AP4S1: variants seen among roughly 807,000 people sequenced by gnomAD.
AP4S1 encodes the protein adaptor related protein complex 4 subunit sigma 1.
Under a neutral mutation model 19.8 loss-of-function variants are expected in AP4S1, and 23 were observed. That is an observed-to-expected ratio of 1.16 (90% CI 0.84 to 1.65). The LOEUF (loss-of-function observed/expected upper bound fraction) is 1.65. AP4S1 is among the 40% of genes most tolerant of loss of function. AP4S1 has a pLI of 0.00. For missense variants in AP4S1, 166 were observed against 172.8 expected, an observed-to-expected ratio of 0.96 and a Z score of 0.22; for synonymous variants, 46 against 54.1, an observed-to-expected ratio of 0.85 and a Z score of 0.66.
At chr14:31,090,205 C>T (rs1331791739) in intron 5 of AP4S1, among the ~76,000 whole-genome samples, 1 of 152,074 alleles carries the variant, frequency 6.6e-6, no homozygotes, top group Non-Finnish European at 1.5e-5. Flanking sequence ...AGGCTGGTCT[C>T]GATCTCCTGA....
At chr14:31,072,083 A>T (rs1001076407) in intron 3 of AP4S1, among the ~76,000 whole-genome samples, 2 of 150,880 alleles carry the variant, frequency 1.3e-5, no homozygotes, top group African/African-American at 4.9e-5. Flanking sequence ...TGGGATTACA[A>T]GCATGTGCCA....
intron 1 of AP4S1, among the ~76,000 whole-genome samples, chr14:31,033,633 A>G (rs1884546790): frequency 6.6e-6 from 1 of 152,240 alleles, no homozygotes; most frequent in African/African-American, 2.4e-5. Context: ...CATGTGTAAC[A>G]GAAAGGAGGC....
chr14:31,066,964 A>G (rs1008893611), intron 2 of AP4S1, among the ~76,000 whole-genome samples: 2 of 152,186 alleles, frequency 1.3e-5, no homozygotes, highest in Admixed American at 6.5e-5. Flanking sequence ...GCTGGGTGCA[A>G]TGGCGCACGC....
At position 31,072,938 on chromosome 14, in the gene AP4S1, T is replaced by C. The variant is rs927006623; in HGVS notation, c.259T>C (p.Phe87Leu). The part of the protein sequence containing the change: ...EMAIYEFIHN[F>L]VEVLDEYFSR... ...GGCTATTTATGAATTCATTCATAACTTTGTGGAAGTTTTAGATGAGTATTT... is the reference window on the plus strand; with the variant it reads ...GGCTATTTATGAATTCATTCATAACCTTGTGGAAGTTTTAGATGAGTATTT... Residue 87 changes from phenylalanine to leucine, a missense_variant, in exon 4 of 6, where the codon TTT becomes CTT. By Grantham distance (22) the Phe-to-Leu change is conservative. Transcript: ENST00000542754. 1 of 1,614,004 alleles carries C rather than the reference T, an allele frequency of 6.2e-7. No individual in the cohort carries two copies. The highest frequency in any genetic ancestry group is 8.5e-7 in the Non-Finnish European group (1 of 1,179,896).
At chr14:31,091,414 A>G (rs1307314551) in intron 5 of AP4S1, among the ~76,000 whole-genome samples, 1 of 152,090 alleles carries the variant, frequency 6.6e-6, no homozygotes, top group Non-Finnish European at 1.5e-5. Flanking sequence ...TTCTGGGTCT[A>G]GTGAACAGGT....
At chr14:31,058,517 C>CTGTGTGTGTGTGTGTGTGTGTGTG (rs1241249693) in intron 1 of AP4S1, among the ~76,000 whole-genome samples, 4 of 139,370 alleles carry the variant, frequency 2.9e-5, no homozygotes, top group East Asian at 2.1e-4. Flanking sequence ...TTCCCCATCT[C>CTGTGTGTGTGTGTGTGTGTGTGTG]TGTGTGTGTA....
At chr14:31,086,878 A>T (rs1241735344) in intron 5 of AP4S1, among the ~76,000 whole-genome samples, 1 of 151,906 alleles carries the variant, frequency 6.6e-6, no homozygotes, top group African/African-American at 2.4e-5. Flanking sequence ...ATTTTTTTAC[A>T]GTCAGGGTCT....
chr14:31,089,990 AT>A (rs1182495259), intron 5 of AP4S1, among the ~76,000 whole-genome samples: 2 of 152,088 alleles, frequency 1.3e-5, no homozygotes, highest in Non-Finnish European at 2.9e-5. Flanking sequence ...TTTCATTTTT[AT>A]TTATTTATTT....
intron 1 of AP4S1, among the ~76,000 whole-genome samples, chr14:31,064,150 AG>A: frequency 6.6e-6 from 1 of 152,364 alleles, no homozygotes; most frequent in South Asian, 2.1e-4. Context: ...CCCCTGAATG[AG>A]GAGGATGAGT....
chr14:31,046,798 A>G (rs1046432226), intron 1 of AP4S1, among the ~76,000 whole-genome samples: 1 of 150,766 alleles, frequency 6.6e-6, no homozygotes, highest in African/African-American at 2.5e-5. Context: ...GTGAGCCGAG[A>G]TCGTACCACT....
chr14:31,060,900 T>C (rs1886400145), intron 1 of AP4S1, among the ~76,000 whole-genome samples: 1 of 152,120 alleles, frequency 6.6e-6, no homozygotes, highest in Non-Finnish European at 1.5e-5. Context: ...CTTTTTTTTT[T>C]TCTTTTTGAG....
intron 1 of AP4S1, 130 bp downstream of exon 1, chr14:31,025,917 C>T: frequency 6.2e-7 from 1 of 1,601,272 alleles, no homozygotes; most frequent in Non-Finnish European, 8.5e-7. Flanking sequence ...CAGTTCGGCC[C>T]GTTCCACCTC....
intron 5 of AP4S1, among the ~76,000 whole-genome samples, chr14:31,082,073 A>T (rs950561524): frequency 2.0e-5 from 3 of 152,090 alleles, no homozygotes; most frequent in African/African-American, 7.2e-5. Flanking sequence ...ATTTCTGGGG[A>T]AATTGCTATT....
chr14:31,049,570 G>T (rs181560583), intron 1 of AP4S1, among the ~76,000 whole-genome samples: 24 of 145,648 alleles, frequency 1.6e-4, no homozygotes, highest in African/African-American at 6.1e-4. Context: ...TATTTAAACA[G>T]TATAACCATA....
At chr14:31,052,308 C>T (rs1309066739) in intron 1 of AP4S1, among the ~76,000 whole-genome samples, 1 of 152,058 alleles carries the variant, frequency 6.6e-6, no homozygotes, top group Admixed American at 6.6e-5. Context: ...TAACAATTCT[C>T]AGTTTGTAGT....
At chr14:31,070,775 G>A (rs989625207) in intron 3 of AP4S1, among the ~76,000 whole-genome samples, 5 of 152,314 alleles carry the variant, frequency 3.3e-5, no homozygotes, top group Middle Eastern at 3.4e-3. Context: ...GGCTGAGGCC[G>A]GGCGCGGTGG....
chr14:31,078,019 C>T (rs1314337033), intron 4 of AP4S1, among the ~76,000 whole-genome samples: 1 of 152,160 alleles, frequency 6.6e-6, no homozygotes, highest in African/African-American at 2.4e-5. Flanking sequence ...CAGGCGTGAG[C>T]CACCGTGCCC....
intron 1 of AP4S1, among the ~76,000 whole-genome samples, chr14:31,051,599 AT>A (rs531697656): frequency 1.0e-3 from 153 of 152,322 alleles, no homozygotes; most frequent in Middle Eastern, 6.8e-3. Context: ...TGGCATTTTG[AT>A]TTTGCGACTT....
chr14:31,068,437 T>C (rs998959690), intron 2 of AP4S1, among the ~76,000 whole-genome samples: 2 of 152,258 alleles, frequency 1.3e-5, no homozygotes, highest in East Asian at 1.9e-4. Flanking sequence ...GATTTTTCAG[T>C]TGGGACATCA....
Sources: gnomAD v4.1 joint callset for allele counts (sites outside exome capture counted in the v4.1 genomes callset) on GRCh38, gnomAD v4.1.1 for gene constraint, MANE v1.5 for transcripts, NCBI Gene and HGNC (gene_info 2026-07-23, HGNC 2026-07-21) for gene names.